The following LMBRD2 variants were observed in gnomAD, a reference collection of about 807,000 sequenced individuals.
LMBRD2 encodes the protein LMBR1 domain containing 2, also known as G protein-coupled receptor-associated protein LMBRD2.
Under a neutral mutation model 94.4 loss-of-function variants are expected in LMBRD2, and 55 were observed. The ratio of observed to expected loss-of-function variants is 0.58; its 90% confidence interval spans 0.47 to 0.73. The LOEUF (loss-of-function observed/expected upper bound fraction) is 0.73, where lower values mean the gene tolerates loss of function less well. Among genes scored for constraint, LMBRD2 ranks in the 30% least tolerant of loss-of-function variants. LMBRD2 has a pLI of 0.00. For missense variants in LMBRD2, 640 were observed against 831.9 expected (o/e 0.77, Z 2.84); for synonymous variants, 246 against 272.4 (o/e 0.90, Z 0.95).
In LMBRD2 at chr5:36,101,933, T is replaced by C. The variant is rs1455887686; in HGVS notation, c.*2113A>G. On this transcript the variant is annotated 3_prime_UTR_variant, in exon 18 of 18. Coordinates refer to ENST00000296603, the MANE Select transcript of LMBRD2 (RefSeq NM_001007527.2). ...TTATAAAAGTTAGTTATAAAAGTAATTGGCTAATTTCTTTTCCTTTTCTGC... is the reference window on the plus strand; with the variant it reads ...TTATAAAAGTTAGTTATAAAAGTAACTGGCTAATTTCTTTTCCTTTTCTGC... 3 of 152,040 alleles carry C rather than the reference T, an allele frequency of 2.0e-5. No homozygotes were observed. Among genetic ancestry groups the C allele is most frequent in the African/African-American group, 7.2e-5 (3 of 41,560 alleles). 9.4% of individuals were successfully genotyped at this position (152,040 alleles called of 1,614,324 possible).
intron 16 of LMBRD2, among the ~76,000 whole-genome samples, chr5:36,107,180 CA>C (rs1743492434): frequency 6.6e-6 from 1 of 152,092 alleles, no homozygotes; most frequent in African/African-American, 2.4e-5. Flanking sequence ...ATATTTTTAA[CA>C]TTTCTATTTA....
At chr5:36,120,042 C>T (rs1743850775) in intron 9 of LMBRD2, among the ~76,000 whole-genome samples, 1 of 149,264 alleles carries the variant, frequency 6.7e-6, no homozygotes, top group African/African-American at 2.5e-5. Flanking sequence ...TCTTTCTTTT[C>T]TTTCATCTCT....
rs771516580 is a variant in LMBRD2, at chr5:36,114,999, T to C, written c.1542+16A>G. On this transcript the variant is annotated intron_variant, in intron 12 of 17. Coordinates refer to ENST00000296603, the MANE Select transcript of LMBRD2 (RefSeq NM_001007527.2). ...GATAGTGAACCTAAGGAATTCTATT[T>C]TCTGACCGTACTTACAGATGTATAA... 1 of 1,482,464 alleles carries C rather than the reference T, an allele frequency of 6.7e-7. No homozygotes were observed. Among genetic ancestry groups the C allele is most frequent in the East Asian group, 2.3e-5 (1 of 44,038 alleles). The allele number at this position is 1,482,464 out of a possible 1,614,324, so 91.8% of individuals were successfully genotyped here.
intron 3 of LMBRD2, 144 bp downstream of exon 3, chr5:36,142,357 CT>C (rs1235401336): frequency 8.6e-5 from 42 of 488,620 alleles, no homozygotes; most frequent in Admixed American, 5.4e-4. Flanking sequence ...AATGAAAAGT[CT>C]ACTAGGAAAG....
chr5:36,137,148 C>T (rs1324954705), intron 5 of LMBRD2, 126 bp downstream of exon 5: 1 of 582,768 alleles, frequency 1.7e-6, no homozygotes, highest in Admixed American at 3.3e-5. Flanking sequence ...TTGGGGAAAT[C>T]CATAAAATAT....
intron 4 of LMBRD2, among the ~76,000 whole-genome samples, chr5:36,140,658 C>T (rs957064415): frequency 2.0e-5 from 3 of 151,996 alleles, no homozygotes; most frequent in East Asian, 1.9e-4. Context: ...TGCTAAGAGG[C>T]TAAGAGTAAA....
At chr5:36,142,708 G>T in intron 2 of LMBRD2, 109 bp from the exon 3 acceptor site, 3 of 576,112 alleles carry the variant, frequency 5.2e-6, no homozygotes, top group East Asian at 3.1e-5. Flanking sequence ...TCTTGGCTAT[G>T]CTTTATTCTT....
chr5:36,115,016 GAT>G lies in LMBRD2; in HGVS notation c.1539_1540del (p.Ser514TyrfsTer33). On this transcript the variant is annotated frameshift_variant and splice_region_variant, in exon 12 of 18. Transcript: ENST00000296603. LOFTEE classifies it high-confidence loss of function. The stretch of plus-strand genomic sequence containing the variant: ...ATTCTATTTTCTGACCGTACTTACA[GAT>G]GTATAAGCAGTTGGTTGAGTATTCT... 6.4e-7 allele frequency: 1 copy of G among 1,558,632 alleles called. No homozygotes were observed. The highest frequency in any genetic ancestry group is 8.8e-7 in the Non-Finnish European group (1 of 1,131,758).
chr5:36,106,712 G>T (rs1743481200), intron 16 of LMBRD2, among the ~76,000 whole-genome samples: 1 of 151,766 alleles, frequency 6.6e-6, no homozygotes, highest in South Asian at 2.1e-4. Context: ...GTTTCACCAT[G>T]TTGGCCAGGC....
At chr5:36,123,070 A>G in intron 7 of LMBRD2, 109 bp from the exon 8 acceptor site, 2 of 1,122,034 alleles carry the variant, frequency 1.8e-6, no homozygotes. Flanking sequence ...TCTCAAAAAC[A>G]TCTTCCTACT....
chr5:36,139,554 C>T (rs943971757), intron 4 of LMBRD2, among the ~76,000 whole-genome samples: 6 of 152,190 alleles, frequency 3.9e-5, no homozygotes, highest in Non-Finnish European at 8.8e-5. Flanking sequence ...GGTGCTTTAT[C>T]CAGGTCTGCC....
At chr5:36,142,916 G>C (rs1356151056) in intron 2 of LMBRD2, among the ~76,000 whole-genome samples, 3 of 151,716 alleles carry the variant, frequency 2.0e-5, no homozygotes, top group South Asian at 2.1e-4. Context: ...TAGTAGAGAC[G>C]GTGTTTCACC....
At chr5:36,116,895 C>G (rs1279222184) in intron 10 of LMBRD2, among the ~76,000 whole-genome samples, 1 of 151,918 alleles carries the variant, frequency 6.6e-6, no homozygotes, top group African/African-American at 2.4e-5. Flanking sequence ...AGGCTGGTCT[C>G]AAACTCCTGA....
intron 9 of LMBRD2, among the ~76,000 whole-genome samples, chr5:36,121,718 T>C (rs1743890715): frequency 6.6e-6 from 1 of 152,214 alleles, no homozygotes; most frequent in Admixed American, 6.5e-5. Context: ...CAGTCAATGA[T>C]GGACTGCATA....
In LMBRD2 at chr5:36,142,826, G is replaced by A. The variant is rs139728176; in HGVS notation, c.175-227C>T. 426 of 386,616 alleles carry A rather than the reference G, an allele frequency of 1.1e-3. 2 individuals carry two copies. Among genetic ancestry groups the A allele is most frequent in the African/African-American group, 8.1e-3 (384 of 47,324 alleles). The allele number at this position is 386,616 out of a possible 1,614,324, so 23.9% of individuals were successfully genotyped here. A position where few individuals can be genotyped will look rare whatever the true frequency, so the allele number is the denominator to read the frequency against. On this transcript the variant is annotated intron_variant, in intron 2 of 17. Coordinates refer to ENST00000296603, the MANE Select transcript of LMBRD2 (RefSeq NM_001007527.2). ...TGCAAGCTCCGCCTCCCGGATTCAC[G>A]CCATTCTCCTGCCTCAGCCTCCCGA...
At chr5:36,109,526 G>C (rs543070540) in intron 15 of LMBRD2, among the ~76,000 whole-genome samples, 3 of 151,960 alleles carry the variant, frequency 2.0e-5, no homozygotes, top group Non-Finnish European at 4.4e-5. Flanking sequence ...TTCTTCAGGA[G>C]GGTAGTTTGC....
intron 9 of LMBRD2, among the ~76,000 whole-genome samples, chr5:36,120,256 G>A (rs1743858665): frequency 6.7e-6 from 1 of 150,280 alleles, no homozygotes; most frequent in Non-Finnish European, 1.5e-5. Context: ...CACCTCCTGG[G>A]TTCAAGTGAT....
chr5:36,123,217 G>T (rs555424488), intron 7 of LMBRD2, among the ~76,000 whole-genome samples: 1 of 152,138 alleles, frequency 6.6e-6, no homozygotes, highest in South Asian at 2.1e-4. Flanking sequence ...ATGGCTATAG[G>T]CAGGGGAGCT....
chr5:36,128,678 T>C (rs1350109541), intron 6 of LMBRD2, among the ~76,000 whole-genome samples: 1 of 151,976 alleles, frequency 6.6e-6, no homozygotes, highest in Non-Finnish European at 1.5e-5. Flanking sequence ...TGAGCCAAAA[T>C]CATGCCACTG....
Sources: gnomAD v4.1 joint callset for allele counts (sites outside exome capture counted in the v4.1 genomes callset) on GRCh38, gnomAD v4.1.1 for gene constraint, MANE v1.5 for transcripts, NCBI Gene and HGNC (gene_info 2026-07-23, HGNC 2026-07-21) for gene names.